The following LTBP1 variants were observed in gnomAD, a reference collection of about 807,000 sequenced individuals.
LTBP1 encodes latent-transforming growth factor beta-binding protein 1.
A neutral mutation model predicts 207.6 loss-of-function variants in LTBP1; 129 were observed. The ratio of observed to expected loss-of-function variants is 0.62; its 90% CI spans 0.54 to 0.72. LTBP1 has a LOEUF of 0.72. Among genes scored for constraint, LTBP1 ranks in the 30% least tolerant of loss-of-function variants. The pLI is 0.00. For missense variants in LTBP1, 2,281 were observed against 2,217.2 expected, an observed-to-expected ratio of 1.03 and a Z score of -0.58; for synonymous variants, 963 against 833.7, an observed-to-expected ratio of 1.16 and a Z score of -2.67.
intron 3 of LTBP1, among the ~76,000 whole-genome samples, chr2:33,080,905 T>TG (rs1191191792): frequency 3.3e-5 from 5 of 152,208 alleles, no homozygotes; most frequent in Non-Finnish European, 7.3e-5. Flanking sequence ...GCAAGGTTCG[T>TG]GGCTGAGGCA....
At position 33,301,621 on chromosome 2, in the gene LTBP1, C is replaced by T; in HGVS notation, c.3458C>T (p.Ser1153Phe). 1 of 1,608,552 alleles carries T rather than the reference C, an allele frequency of 6.2e-7. No individual in the cohort carries two copies. The highest frequency in any genetic ancestry group is 8.5e-7 in the Non-Finnish European group (1 of 1,177,956). Residue 1153 changes from serine (S) to phenylalanine (F), a missense_variant, in exon 22 of 34, where the codon TCT becomes TTT. Physicochemically the swap from Ser to Phe is radical, Grantham distance 155. Transcript: ENST00000404816. ...QCVCDQGYRA[S>F]GLGDHCEDIN... ...GTGTGTGACCAGGGTTACAGAGCAT[C>T]TGGGCTTGGAGACCACTGTGAAGGT...
At chr2:33,163,488 C>T (rs796855719) in intron 5 of LTBP1, among the ~76,000 whole-genome samples, 14 of 152,080 alleles carry the variant, frequency 9.2e-5, no homozygotes, top group South Asian at 4.2e-4. Context: ...GAAGCAAGAG[C>T]GAGTGGGGTA....
At chr2:32,973,175 T>C (rs183055314) in intron 2 of LTBP1, among the ~76,000 whole-genome samples, 234 of 152,288 alleles carry the variant, frequency 1.5e-3, no homozygotes, top group Non-Finnish European at 1.5e-3. Flanking sequence ...AAGTGTTGAG[T>C]TCAGCTCCTG....
intron 5 of LTBP1, among the ~76,000 whole-genome samples, chr2:33,158,727 A>T (rs745954231): frequency 6.6e-6 from 1 of 152,218 alleles, no homozygotes; most frequent in Non-Finnish European, 1.5e-5. Flanking sequence ...GACTTCCTGG[A>T]ATTTAAAATA....
At chr2:33,025,064 C>A (rs1160397451) in intron 3 of LTBP1, among the ~76,000 whole-genome samples, 1 of 152,148 alleles carries the variant, frequency 6.6e-6, no homozygotes, top group Non-Finnish European at 1.5e-5. Context: ...TGAGTGTCCT[C>A]ACAATGTGGC....
intron 2 of LTBP1, among the ~76,000 whole-genome samples, chr2:33,017,717 C>T (rs550726824): frequency 3.9e-5 from 6 of 152,248 alleles, no homozygotes; most frequent in East Asian, 1.9e-4. Flanking sequence ...CCTGGGTTCA[C>T]GCCATTCTTC....
chr2:33,034,670 C>T (rs997165533), intron 3 of LTBP1, among the ~76,000 whole-genome samples: 1 of 150,562 alleles, frequency 6.6e-6, no homozygotes. Flanking sequence ...ACATATATAA[C>T]CATTTGGAAG....
intron 18 of LTBP1, among the ~76,000 whole-genome samples, chr2:33,277,815 T>TCTCTCTCTCTCTCTCTC (rs1558933866): frequency 8.1e-5 from 7 of 86,080 alleles, no homozygotes; most frequent in South Asian, 3.4e-4. Flanking sequence ...CTTTCTTTTT[T>TCTCTCTCTCTCTCTCTC]TCTTTCTTTC....
intron 19 of LTBP1, among the ~76,000 whole-genome samples, chr2:33,285,250 C>G (rs1462330596): frequency 6.6e-6 from 1 of 151,598 alleles, no homozygotes; most frequent in African/African-American, 2.4e-5. Flanking sequence ...CCATGTTGGC[C>G]AGGCTAGCCT....
intron 2 of LTBP1, among the ~76,000 whole-genome samples, chr2:32,949,193 TTCA>T (rs1196820780): frequency 5.3e-5 from 8 of 152,224 alleles, no homozygotes; most frequent in Non-Finnish European, 8.8e-5. Flanking sequence ...AACAGAGATA[TTCA>T]TCATTCTGGC....
chr2:33,206,887 C>T (rs2089926630), intron 7 of LTBP1, among the ~76,000 whole-genome samples: 1 of 152,060 alleles, frequency 6.6e-6, no homozygotes, highest in African/African-American at 2.4e-5. Context: ...TAGACACATT[C>T]CTAGTAATTA....
At chr2:33,315,332 T>C (rs1441115372) in intron 24 of LTBP1, 63 bp downstream of exon 24, 7 of 1,595,134 alleles carry the variant, frequency 4.4e-6, no homozygotes, top group African/African-American at 4.1e-5. Flanking sequence ...TTGCTTTCAC[T>C]TATACAAAGA....
intron 3 of LTBP1, among the ~76,000 whole-genome samples, chr2:33,088,868 G>A (rs4952339): frequency 0.21 from 31,250 of 151,910 alleles, 3,460 homozygotes; most frequent in East Asian, 0.34. Flanking sequence ...TTGAAAATGC[G>A]TGACAGGCTG....
chr2:33,135,526 G>A (rs1042660146), intron 5 of LTBP1, among the ~76,000 whole-genome samples: 2 of 149,084 alleles, frequency 1.3e-5, no homozygotes, highest in African/African-American at 4.8e-5. Context: ...ATATAACGTG[G>A]ATTTGGGGAA....
chr2:33,097,437 T>G (rs2079457885), intron 3 of LTBP1, among the ~76,000 whole-genome samples: 1 of 152,190 alleles, frequency 6.6e-6, no homozygotes. Flanking sequence ...GCAGTGACAA[T>G]CAAGCGGGAT....
intron 7 of LTBP1, among the ~76,000 whole-genome samples, chr2:33,212,112 T>G (rs1390065349): frequency 1.3e-5 from 2 of 152,178 alleles, no homozygotes; most frequent in Non-Finnish European, 2.9e-5. Flanking sequence ...AACATGGATA[T>G]TTGTGGAATA....
intron 19 of LTBP1, among the ~76,000 whole-genome samples, chr2:33,282,833 G>A (rs959130633): frequency 1.7e-4 from 26 of 152,160 alleles, no homozygotes; most frequent in Admixed American, 6.5e-4. Flanking sequence ...GGGAGGCCAA[G>A]ACGGGTGGAT....
chr2:33,396,951 T>C (rs588436), intron 32 of LTBP1, among the ~76,000 whole-genome samples, 182 bp from the exon 33 acceptor site: 15,214 of 152,280 alleles, frequency 0.1, 854 homozygotes, highest in Non-Finnish European at 0.13. Context: ...ATACAAGTTT[T>C]TTATTTTTAT....
rs1318825922 is a variant in LTBP1 at position 33,273,683 on chromosome 2, A to G, written c.2645A>G (p.Asp882Gly). 4 of 1,609,852 alleles carry G rather than the reference A, an allele frequency of 2.5e-6. No homozygotes were observed. The highest frequency in any genetic ancestry group is 3.4e-6 in the Non-Finnish European group (4 of 1,178,110). ...TEINECTVNP[D>G]ICGAGHCINL... Reference sequence around the variant, plus strand: ...ATCAATGAATGTACTGTGAACCCTGATATCTGTGGAGCAGGACACTGCATT... The same window carrying G: ...ATCAATGAATGTACTGTGAACCCTGGTATCTGTGGAGCAGGACACTGCATT... The change falls in exon 16 of 34, where the codon GAT becomes GGT. Residue 882 changes from aspartate (D) to glycine (G), a missense_variant. By Grantham distance (94) the Asp-to-Gly change is moderately conservative. Coordinates refer to ENST00000404816, the MANE Select transcript of LTBP1 (RefSeq NM_206943.4).
Sources: allele counts gnomAD v4.1 joint callset (sites outside exome capture counted in the v4.1 genomes callset), GRCh38; gene constraint gnomAD v4.1.1; transcripts MANE v1.5; gene names NCBI Gene and HGNC (gene_info 2026-07-23, HGNC 2026-07-21).